The following MSRA variants were observed in gnomAD, a reference collection of about 807,000 sequenced individuals.
MSRA encodes mitochondrial peptide methionine sulfoxide reductase.
Under a neutral mutation model 31.3 loss-of-function variants are expected in MSRA, and 54 were observed. The observed-to-expected ratio is 1.73, with a 90% CI of 1.39 to 2.17. MSRA has a LOEUF of 2.17. Among genes scored for constraint, MSRA ranks in the 30% most tolerant of loss-of-function variants. The pLI is 0.00. For missense variants in MSRA, 507 were observed against 300.9 expected, an observed-to-expected ratio of 1.69 and a Z score of -5.07; for synonymous variants, 169 against 116.5, an observed-to-expected ratio of 1.45 and a Z score of -2.90.
intron 1 of MSRA, among the ~76,000 whole-genome samples, chr8:10,174,595 C>T (rs1805875515): frequency 6.6e-6 from 1 of 152,104 alleles, no homozygotes; most frequent in African/African-American, 2.4e-5. Context: ...AGCTTCCTCC[C>T]CTGAGCTCAT....
intron 5 of MSRA, among the ~76,000 whole-genome samples, chr8:10,368,728 T>A (rs1308824034): frequency 3.3e-5 from 5 of 152,214 alleles, no homozygotes. Flanking sequence ...TTAAAGGCAT[T>A]ACTAAGGGAA....
intron 2 of MSRA, among the ~76,000 whole-genome samples, chr8:10,210,408 C>G (rs1409064648): frequency 6.6e-6 from 1 of 152,202 alleles, no homozygotes; most frequent in African/African-American, 2.4e-5. Context: ...CACCTTTCAG[C>G]TGGGTCCACA....
chr8:10,116,303 T>G (rs905978357), intron 1 of MSRA, among the ~76,000 whole-genome samples: 3 of 152,250 alleles, frequency 2.0e-5, no homozygotes, highest in African/African-American at 7.2e-5. Flanking sequence ...GTATTTTATA[T>G]GTGGCCCAAG....
intron 5 of MSRA, among the ~76,000 whole-genome samples, chr8:10,421,166 G>A (rs1808790881): frequency 6.6e-6 from 1 of 152,160 alleles, no homozygotes; most frequent in African/African-American, 2.4e-5. Flanking sequence ...CTGGGGCAGG[G>A]CGGCATCCTT....
At chr8:10,072,991 C>T (rs1450902532) in intron 1 of MSRA, among the ~76,000 whole-genome samples, 1 of 152,090 alleles carries the variant, frequency 6.6e-6, no homozygotes, top group African/African-American at 2.4e-5. Context: ...TAGAAGTTTT[C>T]TCATAGACTT....
At chr8:10,278,703 A>G (rs1335957272) in intron 3 of MSRA, among the ~76,000 whole-genome samples, 2 of 152,092 alleles carry the variant, frequency 1.3e-5, no homozygotes, top group South Asian at 2.1e-4. Context: ...ATAGAGCTCT[A>G]CCTCCCTGTG....
At chr8:10,231,889 C>G (rs769102073) in intron 2 of MSRA, among the ~76,000 whole-genome samples, 1 of 151,654 alleles carries the variant, frequency 6.6e-6, no homozygotes, top group African/African-American at 2.4e-5. Flanking sequence ...GGTGACAGAG[C>G]GAGACTTTGT....
chr8:10,423,986 T>C (rs776651908), intron 5 of MSRA, among the ~76,000 whole-genome samples: 4 of 152,128 alleles, frequency 2.6e-5, no homozygotes, highest in African/African-American at 4.8e-5. Context: ...CAGACAGTCC[T>C]GGGTAGTGGA....
intron 5 of MSRA, among the ~76,000 whole-genome samples, chr8:10,379,570 G>A (rs553190530): frequency 7.2e-5 from 11 of 151,990 alleles, no homozygotes; most frequent in South Asian, 4.2e-4. Context: ...TGCCCCCTCC[G>A]CCTTCCCCCC....
intron 5 of MSRA, among the ~76,000 whole-genome samples, chr8:10,414,001 C>T (rs147598194): frequency 6.6e-6 from 1 of 152,082 alleles, no homozygotes; most frequent in East Asian, 1.9e-4. Context: ...CCCATCTCTA[C>T]AAAAAATAAA....
chr8:10,212,802 A>G (rs1809624749), intron 2 of MSRA, among the ~76,000 whole-genome samples: 1 of 152,176 alleles, frequency 6.6e-6, no homozygotes. Context: ...GTTCTCAATT[A>G]CTGAGAATTG....
intron 2 of MSRA, among the ~76,000 whole-genome samples, chr8:10,213,663 C>T (rs531297999): frequency 1.3e-5 from 2 of 151,942 alleles, no homozygotes; most frequent in African/African-American, 4.8e-5. Flanking sequence ...GTCTCGATCT[C>T]CTGACCTCGT....
chr8:10,308,600 G>A (rs79161499), intron 4 of MSRA, among the ~76,000 whole-genome samples: 1 of 152,222 alleles, frequency 6.6e-6, no homozygotes, highest in Non-Finnish European at 1.5e-5. Flanking sequence ...CTTTACAGTG[G>A]CCAGTGTGGC....
intron 2 of MSRA, among the ~76,000 whole-genome samples, chr8:10,238,679 A>T (rs1812153767): frequency 1.3e-5 from 2 of 152,206 alleles, no homozygotes; most frequent in Non-Finnish European, 2.9e-5. Context: ...TTATTTAATA[A>T]CAATTTATTT....
At chr8:10,317,174 G>T (rs953036816) in intron 4 of MSRA, among the ~76,000 whole-genome samples, 6 of 152,230 alleles carry the variant, frequency 3.9e-5, no homozygotes, top group Non-Finnish European at 7.3e-5. Context: ...TTCAGACCCT[G>T]AGGCGTTGTT....
intron 5 of MSRA, among the ~76,000 whole-genome samples, chr8:10,404,009 C>G (rs771697110): frequency 2.6e-5 from 4 of 152,188 alleles, no homozygotes; most frequent in African/African-American, 9.7e-5. Context: ...GGGACTGTTG[C>G]TCACTGTAGG....
intron 5 of MSRA, among the ~76,000 whole-genome samples, chr8:10,343,449 G>C (rs564092976): frequency 1.3e-5 from 2 of 152,200 alleles, no homozygotes; most frequent in Non-Finnish European, 2.9e-5. Context: ...ATGATGTATG[G>C]TGATTAGAAT....
intron 1 of MSRA, among the ~76,000 whole-genome samples, chr8:10,131,354 A>G (rs1441752467): frequency 5.9e-5 from 9 of 152,236 alleles, no homozygotes; most frequent in African/African-American, 2.2e-4. Context: ...TAGACAAAAG[A>G]GTGGAAATGG....
intron 1 of MSRA, among the ~76,000 whole-genome samples, chr8:10,087,699 C>A (rs1366578178): frequency 1.3e-5 from 2 of 152,140 alleles, no homozygotes; most frequent in African/African-American, 4.8e-5. Context: ...AATATTAGCT[C>A]ACATTGTAAA....
Sources: gnomAD v4.1 joint callset for allele counts (sites outside exome capture counted in the v4.1 genomes callset) on GRCh38, gnomAD v4.1.1 for gene constraint, MANE v1.5 for transcripts, NCBI Gene and HGNC (gene_info 2026-07-23, HGNC 2026-07-21) for gene names.